The following PHLPP2 variants were observed in gnomAD, a reference collection of about 807,000 sequenced individuals.
PHLPP2 encodes PH domain leucine-rich repeat-containing protein phosphatase 2.
A neutral mutation model predicts 124.9 loss-of-function variants in PHLPP2; 66 were observed. That is an observed-to-expected ratio of 0.53 (90% CI 0.43 to 0.65). The LOEUF (loss-of-function observed/expected upper bound fraction) is 0.65. Ranked by LOEUF, PHLPP2 falls within the 30% of genes least tolerant of loss-of-function variation. The pLI, the probability that PHLPP2 is intolerant of heterozygous loss-of-function variation, is 0.00. For missense variants in PHLPP2, 1,685 were observed against 1,600.4 expected, an observed-to-expected ratio of 1.05 and a Z score of -0.90; for synonymous variants, 681 against 624.7, an observed-to-expected ratio of 1.09 and a Z score of -1.34.
intron 15 of PHLPP2, among the ~76,000 whole-genome samples, chr16:71,657,609 T>C (rs1028981243): frequency 2.0e-5 from 3 of 150,380 alleles, no homozygotes; most frequent in Non-Finnish European, 4.4e-5. Flanking sequence ...CTAGCCAGGA[T>C]GGTCTCGATC....
chr16:71,672,006 T>G (rs1042898560), intron 10 of PHLPP2, among the ~76,000 whole-genome samples: 3 of 152,210 alleles, frequency 2.0e-5, no homozygotes, highest in African/African-American at 7.2e-5. Context: ...ATAACAGGTC[T>G]TCCTTGTTTG....
chr16:71,647,362 AT>A lies in PHLPP2; in HGVS notation c.*1527del, dbSNP rs2044660859. ...AATTTCTCAATGAAGTGTCTTTCTTATGTTAGTATTGAGCCCAGTATTCTGA... is the reference window on the plus strand; with the variant it reads ...AATTTCTCAATGAAGTGTCTTTCTTAGTTAGTATTGAGCCCAGTATTCTGA... On this transcript the variant is annotated 3_prime_UTR_variant, in exon 19 of 19. Transcript: ENST00000568954. The A allele has an allele frequency of 2.2e-5, 1 of 46,304 alleles. No homozygotes were observed. The highest frequency in any genetic ancestry group is 5.8e-5 in the Non-Finnish European group (1 of 17,274). 2.9% of individuals were successfully genotyped at this position (46,304 alleles called of 1,614,324 possible).
chr16:71,703,656 G>A (rs1006655862), intron 2 of PHLPP2, among the ~76,000 whole-genome samples: 1 of 152,144 alleles, frequency 6.6e-6, no homozygotes, highest in Admixed American at 6.5e-5. Flanking sequence ...AACTGCCTGG[G>A]TTCAAGTCTT....
chr16:71,652,719 T>A, intron 18 of PHLPP2, 71 bp downstream of exon 18: 1 of 1,119,798 alleles, frequency 8.9e-7, no homozygotes. Context: ...AAATGGGCCT[T>A]CATCACCTCT....
At chr16:71,681,971 G>A in intron 5 of PHLPP2, 66 bp from the exon 6 acceptor site, 5 of 1,169,854 alleles carry the variant, frequency 4.3e-6, no homozygotes, top group South Asian at 2.2e-5. Context: ...AGCAAAGAAT[G>A]GAATGGCATT....
At chr16:71,708,923 T>C (rs2045304724) in intron 2 of PHLPP2, among the ~76,000 whole-genome samples, 1 of 152,132 alleles carries the variant, frequency 6.6e-6, no homozygotes, top group African/African-American at 2.4e-5. Context: ...GGCCTGTGAA[T>C]AGCCACAGTA....
At chr16:71,689,450 T>C (rs1265075412) in intron 4 of PHLPP2, among the ~76,000 whole-genome samples, 3 of 142,616 alleles carry the variant, frequency 2.1e-5, no homozygotes, top group African/African-American at 5.3e-5. Flanking sequence ...TGGGGTGCAA[T>C]GGCATGATCT....
intron 17 of PHLPP2, 52 bp downstream of exon 17, chr16:71,655,188 A>G (rs1436411912): frequency 8.0e-7 from 1 of 1,255,598 alleles, no homozygotes; most frequent in Non-Finnish European, 1.2e-6. Context: ...TTAGAAAAAT[A>G]TATTTTCCAA....
At chr16:71,672,452 GACAAA>G in intron 9 of PHLPP2, 130 bp from the exon 10 acceptor site, 1 of 685,100 alleles carries the variant, frequency 1.5e-6, no homozygotes, top group South Asian at 1.7e-5. Flanking sequence ...ATGAGCTAAA[GACAAA>G]AACTACTGAA....
chr16:71,680,483 T>C (rs755369092), intron 6 of PHLPP2, among the ~76,000 whole-genome samples: 26 of 152,256 alleles, frequency 1.7e-4, no homozygotes, highest in African/African-American at 4.1e-4. Context: ...AGAGATAGCA[T>C]TGTTATAAAA....
intron 11 of PHLPP2, among the ~76,000 whole-genome samples, chr16:71,667,955 C>T (rs896249262): frequency 3.9e-5 from 6 of 152,098 alleles, no homozygotes; most frequent in Admixed American, 3.3e-4. Flanking sequence ...TGTATCATTC[C>T]CTGCCGCCTT....
chr16:71,704,835 G>GT (rs1038524055), intron 2 of PHLPP2, among the ~76,000 whole-genome samples: 1 of 152,118 alleles, frequency 6.6e-6, no homozygotes, highest in East Asian at 1.9e-4. Context: ...AGAAAGACAC[G>GT]TTTTAAGGGG....
intron 3 of PHLPP2, among the ~76,000 whole-genome samples, chr16:71,696,182 G>A (rs2045168206): frequency 6.6e-6 from 1 of 152,166 alleles, no homozygotes; most frequent in Non-Finnish European, 1.5e-5. Context: ...TAACAAAGAA[G>A]CTTTAAATAT....
At chr16:71,695,687 G>A (rs529794867) in intron 3 of PHLPP2, among the ~76,000 whole-genome samples, 34 of 149,324 alleles carry the variant, frequency 2.3e-4, no homozygotes, top group Non-Finnish European at 3.7e-4. Context: ...TCCAGCCTGG[G>A]AAACAAGAGT....
chr16:71,705,637 G>A (rs982953500), intron 2 of PHLPP2, among the ~76,000 whole-genome samples: 2 of 151,868 alleles, frequency 1.3e-5, no homozygotes, highest in Admixed American at 1.3e-4. Context: ...TCAGCCTCCC[G>A]AGTAGCTGGG....
At chr16:71,664,179 G>C (rs2044818591) in intron 12 of PHLPP2, 80 bp from the exon 13 acceptor site, 1 of 925,952 alleles carries the variant, frequency 1.1e-6, no homozygotes, top group Non-Finnish European at 1.8e-6. Context: ...TGTCACCTCA[G>C]TATGGAATGC....
chr16:71,694,716 T>A (rs1202432776), intron 3 of PHLPP2, among the ~76,000 whole-genome samples: 1 of 152,026 alleles, frequency 6.6e-6, no homozygotes, highest in Non-Finnish European at 1.5e-5. Flanking sequence ...AATAAAAATA[T>A]GAAATAATTC....
chr16:71,682,011 G>A (rs1434009199), intron 5 of PHLPP2, 106 bp from the exon 6 acceptor site: 1 of 659,640 alleles, frequency 1.5e-6, no homozygotes, highest in Non-Finnish European at 2.1e-6. Context: ...TAAAAAGATA[G>A]GAAAAAAAAG....
intron 3 of PHLPP2, among the ~76,000 whole-genome samples, chr16:71,692,413 T>A (rs2045124096): frequency 1.3e-5 from 2 of 152,164 alleles, no homozygotes; most frequent in Admixed American, 1.3e-4. Flanking sequence ...CTATTTAAAT[T>A]AGGTATCACT....
Sources: allele counts gnomAD v4.1 joint callset (sites outside exome capture counted in the v4.1 genomes callset), GRCh38; gene constraint gnomAD v4.1.1; transcripts MANE v1.5; gene names NCBI Gene and HGNC (gene_info 2026-07-23, HGNC 2026-07-21).